The following CSMD1 variants were observed in gnomAD, a reference collection of about 807,000 sequenced individuals.
CSMD1 encodes CUB and Sushi multiple domains 1.
Under a neutral mutation model 417.5 loss-of-function variants are expected in CSMD1, and 213 were observed. The observed-to-expected ratio is 0.51, with a 90% CI of 0.46 to 0.57. CSMD1 has a LOEUF of 0.57. Among genes scored for constraint, CSMD1 ranks in the 20% least tolerant of loss-of-function variants. The pLI is 0.00. For missense variants in CSMD1, 6,923 were observed against 4,529.7 expected (o/e 1.53, Z -15.17); for synonymous variants, 2,862 against 1,736.8 (o/e 1.65, Z -16.11).
intron 5 of CSMD1, among the ~76,000 whole-genome samples, chr8:3,903,787 T>C (rs1014294589): frequency 1.3e-5 from 2 of 152,166 alleles, no homozygotes; most frequent in African/African-American, 4.8e-5. Flanking sequence ...CATTTGAGCC[T>C]CTCGGATCAG....
intron 5 of CSMD1, among the ~76,000 whole-genome samples, chr8:3,994,794 A>G (rs372319405): frequency 4.3e-4 from 66 of 152,330 alleles, no homozygotes; most frequent in African/African-American, 1.5e-3. Context: ...CTCAGTGGGT[A>G]ATTTCACTCC....
intron 1 of CSMD1, among the ~76,000 whole-genome samples, chr8:4,739,785 C>A (rs1164403180): frequency 6.6e-6 from 1 of 152,146 alleles, no homozygotes; most frequent in African/African-American, 2.4e-5. Context: ...TCTTTGGAGT[C>A]CTTTTTCTTA....
intron 25 of CSMD1, among the ~76,000 whole-genome samples, chr8:3,303,162 G>C (rs775496690): frequency 6.6e-6 from 1 of 152,206 alleles, no homozygotes; most frequent in Non-Finnish European, 1.5e-5. Context: ...TTTTATTCCT[G>C]AGTGGCCTCA....
At chr8:4,660,587 C>G (rs1349065438) in intron 1 of CSMD1, among the ~76,000 whole-genome samples, 2 of 151,830 alleles carry the variant, frequency 1.3e-5, no homozygotes, top group Non-Finnish European at 2.9e-5. Context: ...ATAATAGACA[C>G]CAAAATCACA....
chr8:3,604,957 T>C (rs1801538129), intron 8 of CSMD1, among the ~76,000 whole-genome samples: 1 of 152,186 alleles, frequency 6.6e-6, no homozygotes, highest in Non-Finnish European at 1.5e-5. Context: ...GTTTCCCTCA[T>C]TTCTTCATCA....
At chr8:3,997,622 C>T (rs181395832) in intron 5 of CSMD1, among the ~76,000 whole-genome samples, 2 of 152,202 alleles carry the variant, frequency 1.3e-5, no homozygotes, top group African/African-American at 2.4e-5. Context: ...AACTAACTCA[C>T]CTTACTTGGT....
chr8:4,418,985 A>T (rs17070228), intron 3 of CSMD1, among the ~76,000 whole-genome samples: 1 of 152,180 alleles, frequency 6.6e-6, no homozygotes, highest in African/African-American at 2.4e-5. Context: ...TCTACACTGT[A>T]ATTTTCTGCT....
intron 3 of CSMD1, among the ~76,000 whole-genome samples, chr8:4,196,197 C>A (rs1218062323): frequency 6.6e-6 from 1 of 152,002 alleles, no homozygotes; most frequent in African/African-American, 2.4e-5. Flanking sequence ...GGCGACGGAG[C>A]AAGACTCCGT....
intron 10 of CSMD1, among the ~76,000 whole-genome samples, chr8:3,548,166 G>T (rs6558791): frequency 0.4 from 60,619 of 151,956 alleles, 12,442 homozygotes; most frequent in East Asian, 0.48. Context: ...CAATGTTATG[G>T]GGGGTTCCTG....
intron 3 of CSMD1, among the ~76,000 whole-genome samples, chr8:4,123,398 C>A (rs1361873357): frequency 6.6e-6 from 1 of 152,308 alleles, no homozygotes; most frequent in South Asian, 2.1e-4. Context: ...CTGGGTGTGC[C>A]ACATATTTCA....
chr8:4,343,529 C>A (rs1307647989), intron 3 of CSMD1, among the ~76,000 whole-genome samples: 1 of 151,982 alleles, frequency 6.6e-6, no homozygotes, highest in East Asian at 1.9e-4. Flanking sequence ...TCAAATTGTA[C>A]AAGTTATATA....
intron 25 of CSMD1, among the ~76,000 whole-genome samples, chr8:3,294,324 G>A (rs903014530): frequency 3.9e-5 from 6 of 152,084 alleles, no homozygotes; most frequent in Non-Finnish European, 8.8e-5. Flanking sequence ...GCTGTGTGCT[G>A]GGAGATCCAC....
intron 3 of CSMD1, among the ~76,000 whole-genome samples, chr8:4,120,983 T>C (rs1012623253): frequency 6.6e-6 from 1 of 152,240 alleles, no homozygotes. Flanking sequence ...AAACTATACA[T>C]GAAACATGAA....
chr8:4,921,580 T>C (rs1806502245), intron 1 of CSMD1, among the ~76,000 whole-genome samples: 2 of 152,194 alleles, frequency 1.3e-5, no homozygotes, highest in African/African-American at 4.8e-5. Context: ...CTTATTAACA[T>C]ACAATGCATA....
At chr8:4,478,233 A>G (rs1261388565) in intron 2 of CSMD1, among the ~76,000 whole-genome samples, 2 of 152,178 alleles carry the variant, frequency 1.3e-5, no homozygotes, top group Non-Finnish European at 2.9e-5. Flanking sequence ...TAATACTGAA[A>G]AGCTTCCTTA....
chr8:4,871,540 AGT>A, intron 1 of CSMD1, among the ~76,000 whole-genome samples: 1 of 152,154 alleles, frequency 6.6e-6, no homozygotes, highest in Non-Finnish European at 1.5e-5. Flanking sequence ...CCAACATATT[AGT>A]GTTTTGTTTT....
intron 57 of CSMD1, among the ~76,000 whole-genome samples, chr8:2,968,816 A>T (rs1804195197): frequency 6.6e-6 from 1 of 152,202 alleles, no homozygotes; most frequent in Admixed American, 6.5e-5. Flanking sequence ...GTAAGTTTAA[A>T]CTTTGCCATA....
chr8:4,168,561 G>C (rs879912438), intron 3 of CSMD1, among the ~76,000 whole-genome samples: 1 of 152,076 alleles, frequency 6.6e-6, no homozygotes, highest in Non-Finnish European at 1.5e-5. Context: ...CAGATGAGAA[G>C]CAGAAGGACA....
At chr8:4,138,911 G>C (rs1048676164) in intron 3 of CSMD1, among the ~76,000 whole-genome samples, 7 of 152,088 alleles carry the variant, frequency 4.6e-5, no homozygotes, top group African/African-American at 1.7e-4. Context: ...ATTTAATCCA[G>C]TCCTGCAAGC....
Sources: gnomAD v4.1 joint callset for allele counts (sites outside exome capture counted in the v4.1 genomes callset) on GRCh38, gnomAD v4.1.1 for gene constraint, MANE v1.5 for transcripts, NCBI Gene and HGNC (gene_info 2026-07-23, HGNC 2026-07-21) for gene names.